Variants in SHC3 observed in about 807,000 individuals in gnomAD.
SHC3 encodes the protein SHC adaptor protein 3.
SHC3 carries 15 observed loss-of-function variants against 60.4 expected under a neutral mutation model. The observed-to-expected ratio is 0.25, with a 90% CI of 0.17 to 0.38. The LOEUF is 0.38. SHC3 is among the 10% of genes least tolerant of loss of function. The probability of loss-of-function intolerance (pLI) is 1.00; values close to 1 mark genes in which losing one functional copy is unlikely to be tolerated. For missense variants in SHC3, 677 were observed against 786.1 expected, an observed-to-expected ratio of 0.86 and a Z score of 1.66; for synonymous variants, 294 against 325.9, an observed-to-expected ratio of 0.90 and a Z score of 1.05.
chr9:89,149,005 T>C (rs939805069), intron 1 of SHC3, among the ~76,000 whole-genome samples: 3 of 152,214 alleles, frequency 2.0e-5, no homozygotes, highest in Non-Finnish European at 2.9e-5. Context: ...GTGTGAACAT[T>C]CAGCAAATTA....
intron 10 of SHC3, among the ~76,000 whole-genome samples, chr9:89,039,063 C>G (rs566524260): frequency 2.0e-5 from 3 of 152,330 alleles, no homozygotes; most frequent in Non-Finnish European, 4.4e-5. Flanking sequence ...TCGATTTTCA[C>G]ATAAGGTAGT....
chr9:89,125,352 G>GT lies in SHC3; in HGVS notation c.475-12727dup, dbSNP rs528652104. Among the ~76,000 whole-genome samples the GT allele has an allele frequency of 4.7e-3, 693 of 146,392 alleles. 9 individuals are homozygous for GT. The highest frequency in any genetic ancestry group is 0.015 in the African/African-American group (587 of 39,918). ...TTGGTTCTTTAATTGTTTAATGTTA[G>GT]TTTTTTTTTTTCAATTAAGTCTCCT... On this transcript the variant is annotated intron_variant, in intron 1 of 11. Coordinates refer to ENST00000375835, the MANE Select transcript of SHC3 (RefSeq NM_016848.6).
chr9:89,022,578 C>T (rs1029925005), intron 11 of SHC3, among the ~76,000 whole-genome samples: 1 of 152,136 alleles, frequency 6.6e-6, no homozygotes, highest in Non-Finnish European at 1.5e-5. Flanking sequence ...CTTTGCTCAT[C>T]ATAATAGCAA....
intron 1 of SHC3, among the ~76,000 whole-genome samples, chr9:89,146,339 G>A (rs970798426): frequency 5.3e-5 from 8 of 151,262 alleles, no homozygotes; most frequent in Admixed American, 2.6e-4. Flanking sequence ...CCTGGGTGAC[G>A]GAGCGAGACT....
At chr9:89,110,457 A>G (rs1825930399) in intron 2 of SHC3, 1 of 984,910 alleles carries the variant, frequency 1.0e-6, no homozygotes, top group Admixed American at 6.2e-5. Flanking sequence ...AGTGGAGTTT[A>G]ATCACAGGTA....
intron 2 of SHC3, among the ~76,000 whole-genome samples, chr9:89,083,758 CCT>C (rs1437945119): frequency 1.3e-5 from 2 of 152,142 alleles, no homozygotes; most frequent in African/African-American, 4.8e-5. Context: ...TTGGGGACGG[CCT>C]CTCTCTTTTT....
intron 9 of SHC3, among the ~76,000 whole-genome samples, chr9:89,043,652 A>ATT (rs112865716): frequency 2.0e-5 from 3 of 147,330 alleles, no homozygotes; most frequent in African/African-American, 7.4e-5. Flanking sequence ...ATATTTATTT[A>ATT]TTTTTTTTTT....
intron 2 of SHC3, among the ~76,000 whole-genome samples, chr9:89,090,389 A>G (rs191658690): frequency 6.6e-6 from 1 of 152,348 alleles, no homozygotes; most frequent in Non-Finnish European, 1.5e-5. Context: ...ATGGCCTCCC[A>G]GTGTAAGGTT....
intron 11 of SHC3, among the ~76,000 whole-genome samples, chr9:89,031,116 C>T (rs964880298): frequency 1.3e-5 from 2 of 152,054 alleles, no homozygotes; most frequent in African/African-American, 4.8e-5. Context: ...GAACTCCCAG[C>T]CTCAAGTGAT....
At chr9:89,111,403 A>G (rs1331866545) in intron 2 of SHC3, among the ~76,000 whole-genome samples, 1 of 152,152 alleles carries the variant, frequency 6.6e-6, no homozygotes, top group Non-Finnish European at 1.5e-5. Flanking sequence ...ATGACTGACT[A>G]AGAAACACTC....
At chr9:89,090,340 C>T (rs1825602336) in intron 2 of SHC3, among the ~76,000 whole-genome samples, 2 of 152,170 alleles carry the variant, frequency 1.3e-5, no homozygotes, top group Admixed American at 1.3e-4. Flanking sequence ...AAAGATCATG[C>T]CACCTGATGT....
Position 89,010,320 on chromosome 9 carries a change from G to T in SHC3, c.*3127C>A, listed in dbSNP as rs9285046. 6.6e-6 allele frequency: 1 copy of T among 152,258 alleles called. No individual in the cohort carries two copies. The highest frequency in any genetic ancestry group is 6.5e-5 in the Admixed American group (1 of 15,290). The allele number at this position is 152,258 out of a possible 1,614,324, so 9.4% of individuals were successfully genotyped here. On this transcript the variant is annotated 3_prime_UTR_variant, in exon 12 of 12. Transcript: ENST00000375835. ...TTTTCACCTCCCCACCCGATTCTCCGGTTAGCTACTCAGAGGCAGCCTTGG... is the reference window on the plus strand; with the variant it reads ...TTTTCACCTCCCCACCCGATTCTCCTGTTAGCTACTCAGAGGCAGCCTTGG...
At chr9:89,117,127 CAG>C (rs1314287661) in intron 1 of SHC3, among the ~76,000 whole-genome samples, 3 of 152,216 alleles carry the variant, frequency 2.0e-5, no homozygotes. Flanking sequence ...ACTTCTTTTA[CAG>C]AGTTATGTGT....
intron 1 of SHC3, among the ~76,000 whole-genome samples, chr9:89,160,657 G>C (rs1826691299): frequency 6.6e-6 from 1 of 152,132 alleles, no homozygotes; most frequent in South Asian, 2.1e-4. Flanking sequence ...AAATGTGCTG[G>C]TAAAATTTGG....
chr9:89,065,613 A>G, intron 5 of SHC3, 33 bp from the exon 6 acceptor site: 1 of 1,610,580 alleles, frequency 6.2e-7, no homozygotes, highest in Non-Finnish European at 8.5e-7. Context: ...CTATGTCACT[A>G]ATCACAAGTG....
chr9:89,033,081 A>G (rs1057152815), intron 11 of SHC3, among the ~76,000 whole-genome samples: 3 of 150,818 alleles, frequency 2.0e-5, no homozygotes, highest in Admixed American at 6.6e-5. Flanking sequence ...CAGTACTACA[A>G]GTTCCTCCTC....
rs186751088 is a variant in SHC3, at chr9:89,088,524, T to C, written c.546-10621A>G. 2.1e-4 allele frequency: 32 copies of C among 152,318 alleles called. 1 individual carries two copies. The East Asian group carries it at 5.6e-3, about 27-fold the overall frequency. 9.4% of individuals were successfully genotyped at this position (152,318 alleles called of 1,614,324 possible). A position where few individuals can be genotyped will look rare whatever the true frequency, so the allele number is the denominator to read the frequency against. ...AATGTTTTACAGAGTTTGACTGTTTTTGTCAAAAAGATGAAAAACACAGAA... is the reference window on the plus strand; with the variant it reads ...AATGTTTTACAGAGTTTGACTGTTTCTGTCAAAAAGATGAAAAACACAGAA... On this transcript the variant is annotated intron_variant, in intron 2 of 11. Transcript: ENST00000375835.
At chr9:89,109,191 T>C in intron 2 of SHC3, 1 of 941,896 alleles carries the variant, frequency 1.1e-6, no homozygotes, top group Non-Finnish European at 1.3e-6. Context: ...ACAATATGCA[T>C]TGTTTCCATC....
At chr9:89,162,574 C>T (rs965219232) in intron 1 of SHC3, among the ~76,000 whole-genome samples, 24 of 152,182 alleles carry the variant, frequency 1.6e-4, no homozygotes, top group Admixed American at 1.3e-3. Context: ...CTTCCTTACG[C>T]CTTATACAAA....
Sources: allele counts gnomAD v4.1 joint callset (sites outside exome capture counted in the v4.1 genomes callset), GRCh38; gene constraint gnomAD v4.1.1; transcripts MANE v1.5; gene names NCBI Gene and HGNC (gene_info 2026-07-23, HGNC 2026-07-21).